The following RBFOX1 variants were observed in gnomAD, a reference collection of about 807,000 sequenced individuals.
RBFOX1 encodes RNA binding fox-1 homolog 1.
RBFOX1 carries 8 observed loss-of-function variants against 57.7 expected under a neutral mutation model. The ratio of observed to expected loss-of-function variants is 0.14; its 90% CI spans 0.08 to 0.25. The LOEUF is 0.25. RBFOX1 is among the 10% of genes least tolerant of loss of function. The pLI, the probability that RBFOX1 is intolerant of heterozygous loss-of-function variation, is 1.00. For missense variants in RBFOX1, 611 were observed against 548.5 expected, an observed-to-expected ratio of 1.11 and a Z score of -1.14; for synonymous variants, 326 against 222.4, an observed-to-expected ratio of 1.47 and a Z score of -4.15.
intron 3 of RBFOX1, among the ~76,000 whole-genome samples, chr16:5,624,391 G>A (rs1002517964): frequency 2.0e-5 from 3 of 152,290 alleles, no homozygotes; most frequent in African/African-American, 4.8e-5. Context: ...TAGAGACAGG[G>A]TTTCACCGTG....
At chr16:5,350,190 C>G (rs2065232222) in intron 1 of RBFOX1, among the ~76,000 whole-genome samples, 2 of 152,168 alleles carry the variant, frequency 1.3e-5, no homozygotes, top group African/African-American at 4.8e-5. Context: ...GAAACAGCAG[C>G]TGTCTGGTAA....
intron 2 of RBFOX1, among the ~76,000 whole-genome samples, chr16:5,486,255 A>T (rs1318726082): frequency 6.6e-6 from 1 of 152,210 alleles, no homozygotes; most frequent in East Asian, 1.9e-4. Flanking sequence ...ATCAAGGGTC[A>T]TCTCATGTCC....
chr16:5,767,261 C>G, intron 3 of RBFOX1, among the ~76,000 whole-genome samples: 1 of 152,210 alleles, frequency 6.6e-6, no homozygotes, highest in East Asian at 1.9e-4. Flanking sequence ...GTGTTATTTT[C>G]CTGACTTCAG....
chr16:6,173,051 G>A (rs1482161143), intron 1 of RBFOX1, among the ~76,000 whole-genome samples: 2 of 152,240 alleles, frequency 1.3e-5, no homozygotes, highest in Admixed American at 6.5e-5. Flanking sequence ...GCAAGAAAAG[G>A]TTCTCAGATT....
chr16:6,253,675 ATGTGTG>A (rs377653141), intron 1 of RBFOX1, among the ~76,000 whole-genome samples: 29,598 of 144,878 alleles, frequency 0.2, 3,059 homozygotes, highest in Middle Eastern at 0.3. Context: ...GTGTGTGTGC[ATGTGTG>A]TGTGTGTGTG....
intron 4 of RBFOX1, among the ~76,000 whole-genome samples, chr16:7,493,967 T>A (rs148448207): frequency 6.6e-6 from 1 of 152,212 alleles, no homozygotes; most frequent in Non-Finnish European, 1.5e-5. Flanking sequence ...AACAATTTCT[T>A]AGTTATTTGA....
intron 3 of RBFOX1, among the ~76,000 whole-genome samples, chr16:6,700,455 G>C (rs984287122): frequency 1.3e-5 from 2 of 151,820 alleles, no homozygotes; most frequent in African/African-American, 4.8e-5. Context: ...GTCAGGAGTT[G>C]GAGACCAGCC....
At position 5,975,477 on chromosome 16, in the gene RBFOX1, T is replaced by C. The variant is rs569046557; in HGVS notation, c.351+108142T>C. ...TGTGCTTATAACTCATAAAGTTGGG[T>C]TGTATACTTATGGTTTAGTATTGCT... is the stretch of plus-strand genomic sequence containing the variant. On this transcript the variant is annotated intron_variant, in intron 4 of 19. Coordinates refer to the RBFOX1 transcript ENST00000641259. Among the ~76,000 whole-genome samples, 6 of 152,334 alleles carry C rather than the reference T, an allele frequency of 3.9e-5. No individual in the cohort carries two copies. In the South Asian group the frequency reaches 1.2e-3, roughly 32 times the overall value.
intron 3 of RBFOX1, among the ~76,000 whole-genome samples, chr16:7,003,064 G>C (rs371960987): frequency 2.0e-5 from 3 of 151,954 alleles, no homozygotes; most frequent in East Asian, 3.9e-4. Context: ...TTCCCAAAGA[G>C]AGGTTATACA....
At chr16:7,481,207 G>A (rs1375844053) in intron 4 of RBFOX1, among the ~76,000 whole-genome samples, 7 of 152,286 alleles carry the variant, frequency 4.6e-5, no homozygotes, top group East Asian at 3.9e-4. Flanking sequence ...AACAGAGTAA[G>A]GACTCAGAAG....
At chr16:5,288,385 C>G (rs1424603574) in intron 1 of RBFOX1, among the ~76,000 whole-genome samples, 1 of 152,160 alleles carries the variant, frequency 6.6e-6, no homozygotes, top group East Asian at 1.9e-4. Flanking sequence ...TCTTTCCCTT[C>G]ATAATAACAT....
chr16:7,075,246 A>C (rs79665285), intron 4 of RBFOX1, among the ~76,000 whole-genome samples: 2,455 of 152,136 alleles, frequency 0.016, 72 homozygotes, highest in African/African-American at 0.055. Context: ...AAAGTGCTTC[A>C]TTGCTCAGTG....
At chr16:6,200,455 C>T (rs190667238) in intron 1 of RBFOX1, among the ~76,000 whole-genome samples, 6 of 152,074 alleles carry the variant, frequency 3.9e-5, no homozygotes, top group African/African-American at 1.4e-4. Context: ...TTCTTGTTAG[C>T]AAGAGTGTAT....
chr16:6,657,522 G>A (rs1042772417), intron 3 of RBFOX1, among the ~76,000 whole-genome samples: 3 of 152,080 alleles, frequency 2.0e-5, no homozygotes, highest in Non-Finnish European at 4.4e-5. Flanking sequence ...AGTGATTGCC[G>A]TCAGGTTCTG....
chr16:6,670,809 A>C (rs2098759494), intron 3 of RBFOX1, among the ~76,000 whole-genome samples: 1 of 152,016 alleles, frequency 6.6e-6, no homozygotes, highest in Non-Finnish European at 1.5e-5. Flanking sequence ...CATCCTAGCT[A>C]ACACGGTGAA....
Position 6,908,838 on chromosome 16 carries a change from A to T in RBFOX1, c.-15-143219A>T, listed in dbSNP as rs114500617. Reference sequence around the variant, plus strand: ...GGAGGTGAGGTTGTGCCAGCCTCACAAGGCTATTGTGGGGACTAAATTAGT... The same window carrying T: ...GGAGGTGAGGTTGTGCCAGCCTCACTAGGCTATTGTGGGGACTAAATTAGT... On this transcript the variant is annotated intron_variant, in intron 3 of 15. Transcript: ENST00000550418. 6.6e-3 allele frequency among the ~76,000 whole-genome samples: 1,000 copies of T among 152,246 alleles called. 13 individuals carry two copies. Among genetic ancestry groups the T allele is most frequent in the African/African-American group, 0.023 (946 of 41,544 alleles).
chr16:6,780,742 T>G (rs2080873649), intron 3 of RBFOX1, among the ~76,000 whole-genome samples: 1 of 151,574 alleles, frequency 6.6e-6, no homozygotes, highest in African/African-American at 2.4e-5. Flanking sequence ...CTCTAATGAT[T>G]AGTGACGTTG....
intron 2 of RBFOX1, among the ~76,000 whole-genome samples, chr16:6,529,179 G>A (rs2096622085): frequency 6.6e-6 from 1 of 152,116 alleles, no homozygotes; most frequent in Non-Finnish European, 1.5e-5. Context: ...TTGCTAAAAA[G>A]TACCCTATTA....
At chr16:6,757,626 G>C (rs1461163350) in intron 3 of RBFOX1, among the ~76,000 whole-genome samples, 1 of 152,144 alleles carries the variant, frequency 6.6e-6, no homozygotes, top group Non-Finnish European at 1.5e-5. Flanking sequence ...GAGTAGAATG[G>C]TGGTTACCAG....
Sources: allele counts gnomAD v4.1 joint callset (sites outside exome capture counted in the v4.1 genomes callset), GRCh38; gene constraint gnomAD v4.1.1; transcripts MANE v1.5; gene names NCBI Gene and HGNC (gene_info 2026-07-23, HGNC 2026-07-21).